CERS1: variants seen among roughly 807,000 people sequenced by gnomAD.
CERS1 encodes the protein Embryonic growth/differentiation factor 1.
CERS1 carries 16 observed loss-of-function variants against 35.7 expected under a neutral mutation model. The ratio of observed to expected loss-of-function variants is 0.45; its 90% CI spans 0.30 to 0.68. The LOEUF is 0.68. Among genes scored for constraint, CERS1 ranks in the 30% least tolerant of loss-of-function variants. CERS1 has a pLI of 0.08. For missense variants in CERS1, 454 were observed against 453.9 expected (o/e 1.00, Z 0.00); for synonymous variants, 243 against 201.6 (o/e 1.21, Z -1.74).
chr19:18,881,122 A>G (rs1349616206), intron 3 of CERS1, among the ~76,000 whole-genome samples: 1 of 151,620 alleles, frequency 6.6e-6, no homozygotes, highest in African/African-American at 2.4e-5. Context: ...CACTTTGGAC[A>G]CCACCACCAT....
intron 3 of CERS1, chr19:18,883,422 C>G (rs907692855): frequency 2.0e-4 from 31 of 152,164 alleles, no homozygotes; most frequent in African/African-American, 7.5e-4. Context: ...AATCCCCACA[C>G]TTCGGGGAGC....
intron 2 of CERS1, among the ~76,000 whole-genome samples, chr19:18,888,560 G>T (rs2056418311): frequency 6.8e-6 from 1 of 148,100 alleles, no homozygotes; most frequent in Non-Finnish European, 1.5e-5. Context: ...GCTAGGTGCG[G>T]TGGCTCATGC....
intron 6 of CERS1, among the ~76,000 whole-genome samples, chr19:18,876,017 T>G (rs980715039): frequency 1.3e-5 from 2 of 152,250 alleles, no homozygotes; most frequent in Non-Finnish European, 2.9e-5. Context: ...GTTCCTTTTG[T>G]TATAGAGTTC....
At position 18,880,285 on chromosome 19, in the gene CERS1, G is replaced by C. The variant is rs566462746; in HGVS notation, c.741C>G (p.Phe247Leu). The C allele has an allele frequency of 1.9e-6, 3 of 1,550,664 alleles. No individual in the cohort carries two copies. The highest frequency in any genetic ancestry group is 1.2e-5 in the South Asian group (1 of 83,964). The change falls in exon 4 of 8, where the codon TTC (phenylalanine) becomes TTG (leucine). Residue 247 changes from phenylalanine to leucine, a missense_variant. Coordinates refer to ENST00000623882, the MANE Select transcript of CERS1 (RefSeq NM_021267.5). ...ALAADLGCLS[F>L]GFSWFWFRLY... ...TCCCTACCACTCACCAGCTGAAGCC[G>C]AAGCTGAGGCAGCCCAAGTCTGCTG...
At chr19:18,869,952 G>A (rs768665846) in intron 7 of CERS1, 31 bp downstream of exon 7, 55 of 1,557,388 alleles carry the variant, frequency 3.5e-5, no homozygotes, top group Non-Finnish European at 3.5e-6. Flanking sequence ...TGGCCTCCAG[G>A]ACCAGTGTCC....
At chr19:18,872,707 G>A (rs371153257) in intron 6 of CERS1, among the ~76,000 whole-genome samples, 69,939 of 151,652 alleles carry the variant, frequency 0.46, 16,299 homozygotes, top group South Asian at 0.6. Context: ...GTAGAGATGC[G>A]GTTTTACCAT....
rs980833631 is a variant in CERS1 at position 18,870,783 on chromosome 19, T to C, written c.1011-164A>G. Among the ~76,000 whole-genome samples the C allele has an allele frequency of 2.6e-5, 4 of 151,994 alleles. No homozygotes were observed. The highest frequency in any genetic ancestry group is 7.3e-5 in the African/African-American group (3 of 41,366). ...TCCTCGCCTTCACCCTGCCCCTCCTTGCCTTCACCCTGCCCCTCCTTCAAC... is the reference window on the plus strand; with the variant it reads ...TCCTCGCCTTCACCCTGCCCCTCCTCGCCTTCACCCTGCCCCTCCTTCAAC... On this transcript the variant is annotated intron_variant, in intron 6 of 7. Transcript: ENST00000623882. This position sits in a 1 kb window ranked among gnomAD's most constrained non-coding sequence, Gnocchi z 5.1.
At position 18,895,427 on chromosome 19, in the gene CERS1, G is replaced by A. The variant is rs1225181326; in HGVS notation, c.249+397C>T. Among the ~76,000 whole-genome samples, 1 of 152,106 alleles carries A rather than the reference G, an allele frequency of 6.6e-6. No homozygotes were observed. The highest frequency in any genetic ancestry group is 1.5e-5 in the Non-Finnish European group (1 of 67,982). On this transcript the variant is annotated intron_variant, in intron 1 of 7. Transcript: ENST00000623882. This position sits in a 1 kb window ranked among gnomAD's most constrained non-coding sequence, Gnocchi z 6.4. Reference sequence around the variant, plus strand: ...CTCAGTGTCTGGCTCGGCCCTGCCGGAAAGAGCGCGCGGTGGCCGGAGCCA... The same window carrying A: ...CTCAGTGTCTGGCTCGGCCCTGCCGAAAAGAGCGCGCGGTGGCCGGAGCCA...
chr19:18,892,735 C>T (rs1437878846), intron 2 of CERS1, among the ~76,000 whole-genome samples: 3 of 152,044 alleles, frequency 2.0e-5, no homozygotes, highest in Non-Finnish European at 2.9e-5. Flanking sequence ...GTGCTGTTAC[C>T]GACACCTGGA....
Position 18,876,275 on chromosome 19 carries a change from C to T in CERS1, c.1010+2655G>A, listed in dbSNP as rs1013640063. Among the ~76,000 whole-genome samples, 12 of 152,202 alleles carry T rather than the reference C, an allele frequency of 7.9e-5. No homozygotes were observed. The South Asian group carries it at 8.3e-4, about 11-fold the overall frequency. ...TGCTGGGATTACAGGCGTGAGCCAC[C>T]GCGCCTGGTCTTCAATGCCATTTTT... On this transcript the variant is annotated intron_variant, in intron 6 of 7. Transcript: ENST00000623882.
intron 2 of CERS1, among the ~76,000 whole-genome samples, chr19:18,886,678 C>T (rs1195880110): frequency 6.6e-6 from 1 of 152,220 alleles, no homozygotes; most frequent in African/African-American, 2.4e-5. Context: ...TTCTGCAGAC[C>T]CCCAAGACAG....
chr19:18,868,960 C>A lies in CERS1; in HGVS notation c.*1025G>T. ...CGCCCAACACGGGTTCGGCGTCGCG[C>A]CGCGGCCGGGCCAGGGGGTGGCACA... On this transcript the variant is annotated 3_prime_UTR_variant, in exon 8 of 8. Coordinates refer to ENST00000623882, the MANE Select transcript of CERS1 (RefSeq NM_021267.5). The A allele has an allele frequency of 8.5e-7, 1 of 1,175,288 alleles. No individual in the cohort carries two copies. Among genetic ancestry groups the A allele is most frequent in the South Asian group, 2.6e-5 (1 of 37,766 alleles). 72.8% of individuals were successfully genotyped at this position (1,175,288 alleles called of 1,614,324 possible). A position where few individuals can be genotyped will look rare whatever the true frequency, so the allele number is the denominator to read the frequency against.
Position 18,895,774 on chromosome 19 carries a change from G to A in CERS1, c.249+50C>T. 9.3e-7 allele frequency: 1 copy of A among 1,074,056 alleles called. No homozygotes were observed. Among genetic ancestry groups the A allele is most frequent in the Non-Finnish European group, 1.2e-6 (1 of 857,148 alleles). The allele number at this position is 1,074,056 out of a possible 1,614,324, so 66.5% of individuals were successfully genotyped here. ...CCGGCGGCCCCAGGTCCCCGGTCCC[G>A]GCTTCCCCCAGTCCGGGGTCCCCTC... On this transcript the variant is annotated intron_variant, in intron 1 of 7. Coordinates refer to ENST00000623882, the MANE Select transcript of CERS1 (RefSeq NM_021267.5). This position sits in a 1 kb window ranked among gnomAD's most constrained non-coding sequence, Gnocchi z 6.4.
chr19:18,887,118 G>A (rs1457642952), intron 2 of CERS1, among the ~76,000 whole-genome samples: 3 of 152,236 alleles, frequency 2.0e-5, no homozygotes, highest in African/African-American at 7.2e-5. Context: ...GTGCATCAGT[G>A]GATGGATGAA....
In CERS1 at chr19:18,895,240, C is replaced by A. The variant is rs1293276212; in HGVS notation, c.249+584G>T. 2.6e-5 allele frequency among the ~76,000 whole-genome samples: 4 copies of A among 152,254 alleles called. No individual in the cohort carries two copies. Among genetic ancestry groups the A allele is most frequent in the Non-Finnish European group, 4.4e-5 (3 of 68,038 alleles). ...CAAGGCAGCGACCGGGCAGCTCCTG[C>A]CTCTTCCCGATTACAGCGGGCAAGC... On this transcript the variant is annotated intron_variant, in intron 1 of 7. Coordinates refer to ENST00000623882, the MANE Select transcript of CERS1 (RefSeq NM_021267.5). This position sits in a 1 kb window ranked among gnomAD's most constrained non-coding sequence, Gnocchi z 6.4.
At chr19:18,876,958 A>G (rs2056070877) in intron 6 of CERS1, among the ~76,000 whole-genome samples, 1 of 152,110 alleles carries the variant, frequency 6.6e-6, no homozygotes. Context: ...CTGACCCTGG[A>G]TTGTTCCTCG....
In CERS1 at chr19:18,870,907, T is replaced by C. The variant is rs2055958006; in HGVS notation, c.1011-288A>G. Among the ~76,000 whole-genome samples, 1 of 151,790 alleles carries C rather than the reference T, an allele frequency of 6.6e-6. No individual in the cohort carries two copies. The highest frequency in any genetic ancestry group is 2.1e-4 in the South Asian group (1 of 4,808). On this transcript the variant is annotated intron_variant, in intron 6 of 7. Transcript: ENST00000623882. This position sits in a 1 kb window ranked among gnomAD's most constrained non-coding sequence, Gnocchi z 5.1. ...TTCCTCTTCCCCTCCTCCCTGCCTC[T>C]CCAGGCCGCTGGAGGGCAAAACCCA...
chr19:18,884,293 A>G lies in CERS1; in HGVS notation c.410-26T>C, dbSNP rs767662605. The G allele has an allele frequency of 5.0e-6, 8 of 1,593,512 alleles. No individual in the cohort carries two copies. In the Admixed American group the frequency reaches 1.4e-4, roughly 28 times the overall value. ...CTGGGGAGAGCCAAATCTCACAGTC[A>G]GGGCCCTGCGAAGCCTCTAGACGAT... is the stretch of plus-strand genomic sequence containing the variant. On this transcript the variant is annotated intron_variant, in intron 2 of 7. Coordinates refer to ENST00000623882, the MANE Select transcript of CERS1 (RefSeq NM_021267.5).
intron 2 of CERS1, among the ~76,000 whole-genome samples, chr19:18,886,069 C>T (rs368430223): frequency 6.6e-6 from 1 of 152,180 alleles, no homozygotes; most frequent in African/African-American, 2.4e-5. Context: ...ACCTCCTCCT[C>T]TCCTCAGCCA....
Sources: gnomAD v4.1 joint callset for allele counts (sites outside exome capture counted in the v4.1 genomes callset) on GRCh38, gnomAD v4.1.1 for gene constraint, Gnocchi (gnomAD v3.1) non-coding constraint, MANE v1.5 for transcripts, NCBI Gene and HGNC (gene_info 2026-07-23, HGNC 2026-07-21) for gene names.